The following KIFC3 variants were observed in gnomAD, a reference collection of about 807,000 sequenced individuals.
KIFC3 encodes the protein kinesin family member C3.
A neutral mutation model predicts 101.8 loss-of-function variants in KIFC3; 60 were observed. That is an observed-to-expected ratio of 0.59 (90% CI 0.48 to 0.73). The LOEUF (loss-of-function observed/expected upper bound fraction) is 0.73. KIFC3 is among the 30% of genes least tolerant of loss of function. The pLI is 0.00. For synonymous variants in KIFC3, 476 were observed against 482.7 expected (o/e 0.99, Z 0.18); for missense variants, 966 against 1,137.1 (o/e 0.85, Z 2.16).
chr16:57,798,123 T>A lies in KIFC3; in HGVS notation c.121A>T (p.Ser41Cys). The A allele has an allele frequency of 1.9e-6, 3 of 1,568,810 alleles. No homozygotes were observed. Among genetic ancestry groups the A allele is most frequent in the Non-Finnish European group, 2.6e-6 (3 of 1,157,462 alleles). Residue 41 changes from serine (S) to cysteine (C), a missense_variant, in exon 2 of 20, where the codon AGC becomes TGC. Physicochemically the swap from Ser to Cys is moderately radical, Grantham distance 112 (BLOSUM62 -1). This residue lies in a region of KIFC3 where 277 missense variants were observed against 252.5 expected (regional missense o/e 1.10). Transcript: ENST00000445690. The part of the protein sequence containing the change: ...GMARPAPAPA[S>C]PAARPFPHTG... ...TGTGGGAAAGGGCGGGCGGCCGGGC[T>A]GGCTGGGGCTGGGGCGGGGCGAGCC...
At chr16:57,765,687 C>T in intron 10 of KIFC3, 47 bp from the exon 11 acceptor site, 1 of 1,545,326 alleles carries the variant, frequency 6.5e-7, no homozygotes, top group Non-Finnish European at 8.8e-7. Context: ...ATGTCAAGAC[C>T]AGTCTCCATT....
chr16:57,771,590 G>C lies in KIFC3; in HGVS notation c.478C>G (p.Leu160Val). The stretch of plus-strand genomic sequence containing the variant: ...CAGGGACCTGCTGGCTTTGTGCGCA[G>C]CTCTTGCAGCTCGGCCTCACAGCGC... ...MRRCEAELQE[L>V]RTKPAGPCPG... The change falls in exon 5 of 20, where the codon CTG becomes GTG. Residue 160 changes from leucine (L) to valine (V), a missense_variant. By Grantham distance (32) the Leu-to-Val change is conservative (BLOSUM62 1). This residue lies in a region of KIFC3 where 277 missense variants were observed against 252.5 expected (regional missense o/e 1.10). Coordinates refer to ENST00000445690, the MANE Select transcript of KIFC3 (RefSeq NM_001130100.2). The C allele has an allele frequency of 6.2e-7, 1 of 1,613,504 alleles. No homozygotes were observed. The highest frequency in any genetic ancestry group is 8.5e-7 in the Non-Finnish European group (1 of 1,180,028).
chr16:57,834,157 C>T (rs551028343), intron 1 of KIFC3, among the ~76,000 whole-genome samples: 5 of 151,864 alleles, frequency 3.3e-5, no homozygotes, highest in South Asian at 2.1e-4. Context: ...CACCGCGCCC[C>T]GGGAATGCAT....
At chr16:57,851,645 C>T (rs2056061942) in intron 1 of KIFC3, among the ~76,000 whole-genome samples, 1 of 151,738 alleles carries the variant, frequency 6.6e-6, no homozygotes, top group Non-Finnish European at 1.5e-5. Context: ...CGACTCACTG[C>T]AACCTCCGCC....
intron 17 of KIFC3, 70 bp downstream of exon 17, chr16:57,760,212 C>T (rs1420256988): frequency 3.2e-6 from 5 of 1,544,376 alleles, no homozygotes; most frequent in Non-Finnish European, 4.4e-6. Flanking sequence ...CGCCCAGCTC[C>T]CTGCTCCTGC....
chr16:57,842,533 A>C (rs2149314255), intron 1 of KIFC3, among the ~76,000 whole-genome samples: 1 of 152,392 alleles, frequency 6.6e-6, no homozygotes, highest in Non-Finnish European at 1.5e-5. Flanking sequence ...CAACAACAGC[A>C]GCAAAAATAA....
chr16:57,798,210 C>A lies in KIFC3; in HGVS notation c.34G>T (p.Ala12Ser). 1 of 1,547,090 alleles carries A rather than the reference C, an allele frequency of 6.5e-7. No individual in the cohort carries two copies. The highest frequency in any genetic ancestry group is 2.4e-5 in the East Asian group (1 of 41,258). Residue 12 changes from alanine to serine, a missense_variant, in exon 2 of 20, where the codon GCC (alanine) becomes TCC (serine). By Grantham distance (99) the Ala-to-Ser change is moderately conservative. Around this residue, in one of 2 missense-constraint regions of KIFC3, gnomAD observed 277 missense variants for 252.5 expected, o/e 1.10. Transcript: ENST00000445690. ...VPSRRTWNLG[A>S]TPSLRGLWRV... ...CACAGGCCCCGCAGCGAGGGCGTGGCTCCCAGGTTCCACGTCCTGCGAGAG... is the reference window on the plus strand; with the variant it reads ...CACAGGCCCCGCAGCGAGGGCGTGGATCCCAGGTTCCACGTCCTGCGAGAG...
At chr16:57,812,644 G>C (rs2055115389) in intron 1 of KIFC3, among the ~76,000 whole-genome samples, 1 of 152,210 alleles carries the variant, frequency 6.6e-6, no homozygotes. Context: ...GCAAGAAAAC[G>C]GCTGGAGGTG....
intron 3 of KIFC3, chr16:57,775,015 C>G: frequency 6.5e-7 from 1 of 1,533,698 alleles, no homozygotes; most frequent in East Asian, 2.5e-5. Flanking sequence ...GCCAGGCACT[C>G]AGACCCTGAT....
At chr16:57,803,990 G>A (rs997433247), upstream of KIFC3, among the ~76,000 whole-genome samples, 5 of 152,230 alleles carry the variant, frequency 3.3e-5, no homozygotes, top group East Asian at 1.9e-4. Flanking sequence ...TTGATGGGGC[G>A]GGGGATGGGG....
chr16:57,837,685 G>C (rs190590267), intron 1 of KIFC3, among the ~76,000 whole-genome samples: 1 of 152,250 alleles, frequency 6.6e-6, no homozygotes, highest in East Asian at 1.9e-4. Flanking sequence ...TGTGTCCTCA[G>C]GGATGTGCAA....
At chr16:57,763,775 G>A (rs1701490950) in intron 12 of KIFC3, among the ~76,000 whole-genome samples, 1 of 152,182 alleles carries the variant, frequency 6.6e-6, no homozygotes, top group Admixed American at 6.5e-5. Context: ...AGATCCCCCA[G>A]GCCCGGCCCA....
At chr16:57,763,226 C>G (rs1295715238) in intron 12 of KIFC3, among the ~76,000 whole-genome samples, 4 of 152,162 alleles carry the variant, frequency 2.6e-5, no homozygotes, top group African/African-American at 9.7e-5. Context: ...CCTTATGCAT[C>G]AGCAGATACA....
intron 1 of KIFC3, chr16:57,816,935 G>A: frequency 2.8e-6 from 1 of 355,790 alleles, no homozygotes; most frequent in South Asian, 2.1e-5. Flanking sequence ...AATAATCACA[G>A]CTAACCCTTC....
chr16:57,843,327 C>G (rs8046267), intron 1 of KIFC3, among the ~76,000 whole-genome samples: 32,643 of 151,966 alleles, frequency 0.21, 4,174 homozygotes, highest in African/African-American at 0.33. Context: ...ACACTGACCA[C>G]CTTTATTGGG....
intron 12 of KIFC3, among the ~76,000 whole-genome samples, chr16:57,762,505 G>A (rs1343260763): frequency 6.6e-6 from 1 of 152,234 alleles, no homozygotes; most frequent in African/African-American, 2.4e-5. Context: ...GACTTATAGT[G>A]CAGCACTGGG....
Position 57,760,607 on chromosome 16 carries a change from G to A in KIFC3, c.2232+119C>T, listed in dbSNP as rs146009176. 4.2e-4 allele frequency: 458 copies of A among 1,083,256 alleles called. 1 individual carries two copies. Among genetic ancestry groups the A allele is most frequent in the Middle Eastern group, 2.3e-3 (11 of 4,684 alleles). 67.1% of individuals were successfully genotyped at this position (1,083,256 alleles called of 1,614,324 possible). A position where few individuals can be genotyped will look rare whatever the true frequency, so the allele number is the denominator to read the frequency against. On this transcript the variant is annotated intron_variant, in intron 16 of 19. Coordinates refer to ENST00000445690, the MANE Select transcript of KIFC3 (RefSeq NM_001130100.2). ...GGAGGGACTGGGAGTTACACAGGGT[G>A]TGTGTGGCCAGGTCTAGGGGCGGGG...
At chr16:57,793,986 T>C (rs1364494189) in intron 3 of KIFC3, among the ~76,000 whole-genome samples, 1 of 152,210 alleles carries the variant, frequency 6.6e-6, no homozygotes, top group African/African-American at 2.4e-5. Flanking sequence ...GCTAGTTGTG[T>C]TGAATGGTCG....
chr16:57,771,820 A>G, intron 4 of KIFC3, 134 bp from the exon 5 acceptor site: 1 of 1,121,758 alleles, frequency 8.9e-7, no homozygotes, highest in Non-Finnish European at 1.2e-6. Flanking sequence ...AAGGAGAAAA[A>G]GAAAAAGAAA....
Sources: allele counts gnomAD v4.1 joint callset (sites outside exome capture counted in the v4.1 genomes callset), GRCh38; gene constraint gnomAD v4.1.1; regional missense constraint gnomAD v4.1.1; transcripts MANE v1.5; gene names NCBI Gene and HGNC (gene_info 2026-07-23, HGNC 2026-07-21).